Variants in KAZN observed in about 807,000 individuals in gnomAD.
KAZN encodes the protein kazrin.
Under a neutral mutation model 87.4 loss-of-function variants are expected in KAZN, and 40 were observed. The ratio of observed to expected loss-of-function variants is 0.46; its 90% CI spans 0.36 to 0.60. The LOEUF is 0.60. Among genes scored for constraint, KAZN ranks in the 20% least tolerant of loss-of-function variants. The pLI is 0.00. For synonymous variants in KAZN, 466 were observed against 458.3 expected (o/e 1.02, Z -0.22); for missense variants, 898 against 1,073.9 (o/e 0.84, Z 2.29).
At chr1:14,138,336 T>A (rs1645155095) in intron 1 of KAZN, among the ~76,000 whole-genome samples, 1 of 152,100 alleles carries the variant, frequency 6.6e-6, no homozygotes, top group Non-Finnish European at 1.5e-5. Context: ...CTTAAGCAGA[T>A]CTAGGAGTCA....
intron 1 of KAZN, among the ~76,000 whole-genome samples, chr1:14,698,443 C>T (rs1213135020): frequency 6.6e-6 from 1 of 152,208 alleles, no homozygotes; most frequent in African/African-American, 2.4e-5. Flanking sequence ...TGCTGATTTG[C>T]CGTTGGGGTC....
intron 2 of KAZN, among the ~76,000 whole-genome samples, chr1:14,552,693 G>C (rs1235001330): frequency 6.6e-6 from 1 of 152,198 alleles, no homozygotes; most frequent in Non-Finnish European, 1.5e-5. Flanking sequence ...GCTGGACTCA[G>C]GCAACAGTTG....
chr1:13,946,974 G>A (rs575494182), intron 1 of KAZN, among the ~76,000 whole-genome samples: 61 of 152,216 alleles, frequency 4.0e-4, no homozygotes, highest in African/African-American at 1.4e-3. Flanking sequence ...CTGGAGGCTT[G>A]GGGGGAGAAT....
intron 2 of KAZN, among the ~76,000 whole-genome samples, chr1:14,303,757 A>G (rs1654726934): frequency 2.0e-5 from 3 of 152,338 alleles, no homozygotes; most frequent in Middle Eastern, 3.4e-3. Context: ...CTCATGGCAT[A>G]TAAGAAGTCT....
At chr1:14,680,627 A>T (rs1264184613) in intron 1 of KAZN, among the ~76,000 whole-genome samples, 1 of 151,836 alleles carries the variant, frequency 6.6e-6, no homozygotes, top group African/African-American at 2.4e-5. Flanking sequence ...CCCAACTCCC[A>T]ACAGGCCCCG....
rs144667162 is a variant in KAZN, at chr1:14,176,738, A to G, written c.92-3697A>G. Among the ~76,000 whole-genome samples the G allele has an allele frequency of 7.3e-3, 1,116 of 152,322 alleles. 19 individuals are homozygous for G. The highest frequency in any genetic ancestry group is 0.025 in the African/African-American group (1,044 of 41,566). ...CTCAGTCCTCCAAGTTTGATTCTCC[A>G]TGATTCAAAACCCATCTTCTATTTA... On this transcript the variant is annotated intron_variant, in intron 1 of 16. Coordinates refer to the KAZN transcript ENST00000636203.
At chr1:14,832,546 C>A (rs577106601) in intron 1 of KAZN, among the ~76,000 whole-genome samples, 64 of 152,222 alleles carry the variant, frequency 4.2e-4, no homozygotes, top group African/African-American at 1.4e-3. Flanking sequence ...CTGGGCCACA[C>A]TGGAAGAAGA....
intron 1 of KAZN, among the ~76,000 whole-genome samples, chr1:14,815,406 A>G (rs1031044269): frequency 3.3e-5 from 5 of 152,184 alleles, no homozygotes; most frequent in African/African-American, 1.2e-4. Context: ...CCCAGCTTCC[A>G]GTGCAGCGTC....
chr1:13,992,323 T>C (rs913520367), intron 1 of KAZN, among the ~76,000 whole-genome samples: 3 of 152,178 alleles, frequency 2.0e-5, no homozygotes, highest in African/African-American at 7.2e-5. Flanking sequence ...AAAATTATTG[T>C]GTGAATGGCT....
intron 1 of KAZN, among the ~76,000 whole-genome samples, chr1:14,944,423 GGTTTCA>G (rs59025793): frequency 0.018 from 2,718 of 152,190 alleles, 87 homozygotes; most frequent in African/African-American, 0.062. Flanking sequence ...TGTCCTACTT[GGTTTCA>G]GAAGCCATGC....
upstream of KAZN, among the ~76,000 whole-genome samples, chr1:14,594,825 G>A (rs1049656050): frequency 6.6e-6 from 1 of 152,162 alleles, no homozygotes; most frequent in African/African-American, 2.4e-5. Context: ...GCAGGAGGGG[G>A]TTAGGCCAGT....
intron 2 of KAZN, among the ~76,000 whole-genome samples, chr1:14,587,067 A>C (rs1675895987): frequency 6.6e-6 from 1 of 152,224 alleles, no homozygotes; most frequent in Admixed American, 6.5e-5. Flanking sequence ...GCAGAAGATT[A>C]ATAATTACAC....
intron 2 of KAZN, among the ~76,000 whole-genome samples, chr1:14,314,876 G>A (rs2100821862): frequency 6.6e-6 from 1 of 152,144 alleles, no homozygotes; most frequent in East Asian, 1.9e-4. Flanking sequence ...CCTACTTTGT[G>A]TATCTATAAA....
chr1:14,205,367 A>G (rs1646718203), intron 2 of KAZN, among the ~76,000 whole-genome samples: 1 of 152,228 alleles, frequency 6.6e-6, no homozygotes, highest in Non-Finnish European at 1.5e-5. Context: ...GTCAATTTAC[A>G]GCAGAAGAGG....
chr1:13,995,744 T>G (rs1357320520), intron 1 of KAZN, among the ~76,000 whole-genome samples: 1 of 152,286 alleles, frequency 6.6e-6, no homozygotes, highest in Non-Finnish European at 1.5e-5. Flanking sequence ...AACATCAGAC[T>G]TCAGGTTCTT....
chr1:14,410,536 G>C (rs576063905), intron 2 of KAZN, among the ~76,000 whole-genome samples: 6 of 152,200 alleles, frequency 3.9e-5, no homozygotes, highest in African/African-American at 7.2e-5. Flanking sequence ...AAGACAGCAA[G>C]TTCTAATCCC....
intron 2 of KAZN, among the ~76,000 whole-genome samples, chr1:14,267,576 C>A (rs1424169490): frequency 6.6e-6 from 1 of 152,004 alleles, no homozygotes; most frequent in Non-Finnish European, 1.5e-5. Flanking sequence ...ATTTTAGTGT[C>A]CAAGGGAGGT....
chr1:14,355,811 T>C (rs1053586687), intron 2 of KAZN, among the ~76,000 whole-genome samples: 4 of 152,244 alleles, frequency 2.6e-5, no homozygotes, highest in Non-Finnish European at 5.9e-5. Context: ...GTGCCACATT[T>C]TCTTTATCCA....
At position 14,632,586 on chromosome 1, in the gene KAZN, T is replaced by TA. The variant is rs1553200145; in HGVS notation, c.226+33365dup. Among the ~76,000 whole-genome samples the TA allele has an allele frequency of 2.0e-3, 309 of 151,048 alleles. 3 individuals are homozygous for TA. The highest frequency in any genetic ancestry group is 7.3e-3 in the African/African-American group (299 of 41,002). The stretch of plus-strand genomic sequence containing the variant: ...CTTTTGGGCTTTTTTTTTTTTTTTT[T>TA]AATTCACTCATTGGAATTCTACTCA... On this transcript the variant is annotated intron_variant, in intron 1 of 14. Coordinates refer to ENST00000376030, the MANE Select transcript of KAZN (RefSeq NM_201628.3).
Sources: allele counts gnomAD v4.1 joint callset (sites outside exome capture counted in the v4.1 genomes callset), GRCh38; gene constraint gnomAD v4.1.1; transcripts MANE v1.5; gene names NCBI Gene and HGNC (gene_info 2026-07-23, HGNC 2026-07-21).